Variants in COL11A1 observed in about 807,000 individuals in gnomAD.
The protein encoded by COL11A1 is collagen type XI alpha 1 chain.
COL11A1 carries 74 observed loss-of-function variants against 265.2 expected under a neutral mutation model. That is an observed-to-expected ratio of 0.28 (90% CI 0.23 to 0.34). COL11A1 has a LOEUF of 0.34. Ranked by LOEUF, COL11A1 falls within the 10% of genes least tolerant of loss-of-function variation. COL11A1 has a pLI of 1.00. For synonymous variants in COL11A1, 816 were observed against 727.6 expected (o/e 1.12, Z -1.96); for missense variants, 2,165 against 2,263.6 (o/e 0.96, Z 0.88).
chr1:103,071,619 G>T (rs1486562543), intron 4 of COL11A1, among the ~76,000 whole-genome samples: 3 of 151,128 alleles, frequency 2.0e-5, no homozygotes, highest in Non-Finnish European at 4.4e-5. Context: ...TAAAATTGCA[G>T]TAGGCCAGAA....
At chr1:102,977,766 G>T (rs531107521) in intron 35 of COL11A1, among the ~76,000 whole-genome samples, 1 of 151,932 alleles carries the variant, frequency 6.6e-6, no homozygotes, top group Non-Finnish European at 1.5e-5. Flanking sequence ...ACAGTTCATC[G>T]AGAGTGAGAA....
chr1:102,897,353 T>C (rs12142096), intron 57 of COL11A1, among the ~76,000 whole-genome samples: 10,994 of 151,870 alleles, frequency 0.072, 554 homozygotes, highest in Non-Finnish European at 0.1. Context: ...ATACGAGTGC[T>C]ATATGTATGA....
rs34228277 is a variant in COL11A1, at chr1:102,914,823, TAA to T, written c.3817-14_3817-13del. On this transcript the variant is annotated splice_polypyrimidine_tract_variant and intron_variant, in intron 50 of 66. Coordinates refer to ENST00000370096, the MANE Select transcript of COL11A1 (RefSeq NM_001854.4). ...TCTCCTTTGGGACCCTAAACAATGTTAAAAAAAAAAAAAGAAGAAGAAGGAAA... is the reference window on the plus strand; with the variant it reads ...TCTCCTTTGGGACCCTAAACAATGTTAAAAAAAAAAAGAAGAAGAAGGAAA... 4.5e-4 allele frequency: 573 copies of T among 1,267,582 alleles called. 1 individual carries two copies. Among genetic ancestry groups the T allele is most frequent in the African/African-American group, 3.2e-3 (218 of 67,876 alleles). The allele number at this position is 1,267,582 out of a possible 1,614,324, so 78.5% of individuals were successfully genotyped here.
rs536553101 is a variant in COL11A1 at position 102,978,536 on chromosome 1, C to CT, written c.2754+171dup. Among the ~76,000 whole-genome samples, 210 of 152,124 alleles carry CT rather than the reference C, an allele frequency of 1.4e-3. 1 individual carries two copies. The highest frequency in any genetic ancestry group is 0.01 in the Middle Eastern group (3 of 294). On this transcript the variant is annotated intron_variant, in intron 35 of 66. Transcript: ENST00000370096. The stretch of plus-strand genomic sequence containing the variant: ...AAATTAGTAGAACATATTGATTAAG[C>CT]TTTTTTATTGGTGAAGAGGAATAAA...
At chr1:102,966,838 C>T (rs1661445198) in intron 37 of COL11A1, among the ~76,000 whole-genome samples, 2 of 152,180 alleles carry the variant, frequency 1.3e-5, no homozygotes, top group South Asian at 4.1e-4. Flanking sequence ...TTATAAACCT[C>T]TAATCAGTAT....
intron 4 of COL11A1, among the ~76,000 whole-genome samples, chr1:103,048,005 C>G (rs539897976): frequency 6.6e-6 from 1 of 152,092 alleles, no homozygotes; most frequent in Non-Finnish European, 1.5e-5. Context: ...TTCAGTTTGC[C>G]AGTATTTTAT....
chr1:103,098,291 C>T (rs1215769094), intron 1 of COL11A1, among the ~76,000 whole-genome samples: 5 of 151,882 alleles, frequency 3.3e-5, no homozygotes, highest in Non-Finnish European at 7.4e-5. Flanking sequence ...ATAATTTGTA[C>T]ATTATGATGA....
At chr1:102,944,854 G>A (rs1486118840) in intron 42 of COL11A1, among the ~76,000 whole-genome samples, 1 of 151,964 alleles carries the variant, frequency 6.6e-6, no homozygotes, top group Non-Finnish European at 1.5e-5. Flanking sequence ...CAAAATATGT[G>A]TTCCCTATAT....
intron 35 of COL11A1, among the ~76,000 whole-genome samples, chr1:102,976,359 C>T (rs1406190824): frequency 8.4e-6 from 1 of 118,586 alleles, no homozygotes; most frequent in Non-Finnish European, 1.6e-5. Context: ...AGTGCGGTGG[C>T]ACGATCTTGG....
At chr1:102,960,108 T>C (rs1424234259) in intron 41 of COL11A1, among the ~76,000 whole-genome samples, 4 of 152,192 alleles carry the variant, frequency 2.6e-5, no homozygotes, top group Non-Finnish European at 5.9e-5. Context: ...CATAATTTTA[T>C]GAACTCCAGT....
chr1:103,078,207 G>A (rs1457761262), intron 3 of COL11A1, among the ~76,000 whole-genome samples: 1 of 151,998 alleles, frequency 6.6e-6, no homozygotes, highest in Non-Finnish European at 1.5e-5. Flanking sequence ...CTCCTGCCAT[G>A]CTGGTATCCT....
intron 25 of COL11A1, 142 bp from the exon 26 acceptor site, chr1:102,997,266 G>A (rs1276055521): frequency 1.3e-6 from 1 of 770,562 alleles, no homozygotes; most frequent in East Asian, 2.5e-5. Flanking sequence ...GCATCAGTGT[G>A]TATGGCTTTA....
At chr1:102,882,431 T>C (rs1279948063) in intron 64 of COL11A1, among the ~76,000 whole-genome samples, 4 of 152,118 alleles carry the variant, frequency 2.6e-5, no homozygotes, top group Non-Finnish European at 1.5e-5. Flanking sequence ...TGCCAAGTAG[T>C]GTTGGAAGAT....
Position 103,031,252 on chromosome 1 carries a change from A to AAAC in COL11A1, c.652-9_652-8insGTT. 1 of 1,527,676 alleles carries AAAC rather than the reference A, an allele frequency of 6.5e-7. No individual in the cohort carries two copies. The highest frequency in any genetic ancestry group is 1.5e-5 in the African/African-American group (1 of 65,434). The allele number at this position is 1,527,676 out of a possible 1,614,324, so 94.6% of individuals were successfully genotyped here. On this transcript the variant is annotated splice_polypyrimidine_tract_variant and intron_variant, in intron 4 of 66. Transcript: ENST00000370096. ...AAACTGCTGAATGTCCCCCTGGGAAAAAAAAAAAAACAAAAACAAACAGAC... is the reference window on the plus strand; with the variant it reads ...AAACTGCTGAATGTCCCCCTGGGAAAAACAAAAAAAAAACAAAAACAAACAGAC...
At chr1:102,962,607 A>G (rs1269922371) in intron 39 of COL11A1, 46 bp downstream of exon 39, 3 of 1,517,800 alleles carry the variant, frequency 2.0e-6, no homozygotes, top group Non-Finnish European at 2.7e-6. Context: ...AGTTAAACAT[A>G]AATTAAAGTT....
rs1665256159 is a variant in COL11A1 at position 103,002,927 on chromosome 1, A to C, written c.1999-136T>G. 3 of 865,420 alleles carry C rather than the reference A, an allele frequency of 3.5e-6. No individual in the cohort carries two copies. In the South Asian group the frequency reaches 4.7e-5, roughly 14 times the overall value. The allele number at this position is 865,420 out of a possible 1,614,324, so 53.6% of individuals were successfully genotyped here. On this transcript the variant is annotated intron_variant, in intron 21 of 66. Transcript: ENST00000370096. Reference sequence around the variant, plus strand: ...TCATTTTAGGATTTAATGGAAACGAAGAAGAGACAAGACCTATACTTTCTT... The same window carrying C: ...TCATTTTAGGATTTAATGGAAACGACGAAGAGACAAGACCTATACTTTCTT...
intron 49 of COL11A1, among the ~76,000 whole-genome samples, chr1:102,916,593 TTAAA>T (rs1481251069): frequency 6.6e-6 from 1 of 152,062 alleles, no homozygotes; most frequent in East Asian, 1.9e-4. Context: ...TCCACTGCTC[TTAAA>T]TAAATGTGTC....
intron 41 of COL11A1, 123 bp downstream of exon 41, chr1:102,961,743 G>T (rs1660926820): frequency 1.2e-6 from 1 of 854,522 alleles, no homozygotes. Context: ...GGCATTGACT[G>T]ATTTGATTGA....
At chr1:103,002,931 G>C (rs1007724195) in intron 21 of COL11A1, 140 bp from the exon 22 acceptor site, 37 of 865,018 alleles carry the variant, frequency 4.3e-5, no homozygotes, top group African/African-American at 1.0e-4. Flanking sequence ...AAACGAAGAA[G>C]AGACAAGACC....
Sources: allele counts gnomAD v4.1 joint callset (sites outside exome capture counted in the v4.1 genomes callset), GRCh38; gene constraint gnomAD v4.1.1; transcripts MANE v1.5; gene names NCBI Gene and HGNC (gene_info 2026-07-23, HGNC 2026-07-21).